Variants in NEURL1 observed in about 807,000 individuals in gnomAD.
NEURL1 encodes the protein E3 ubiquitin-protein ligase NEURL1.
NEURL1 carries 26 observed loss-of-function variants against 41.2 expected under a neutral mutation model. That is an observed-to-expected ratio of 0.63 (90% CI 0.46 to 0.87). NEURL1 has a LOEUF of 0.87. Ranked by LOEUF, NEURL1 falls within the 40% of genes least tolerant of loss-of-function variation. The probability of loss-of-function intolerance (pLI) is 0.00; values close to 1 mark genes in which losing one functional copy is unlikely to be tolerated. For missense variants in NEURL1, 761 were observed against 871.1 expected (o/e 0.87, Z 1.59); for synonymous variants, 400 against 402.3 (o/e 0.99, Z 0.07).
At position 103,499,384 on chromosome 10, in the gene NEURL1, T is replaced by TCTCC. The variant is rs374675887; in HGVS notation, c.85+4925_85+4928dup. 1.3e-3 allele frequency among the ~76,000 whole-genome samples: 192 copies of TCTCC among 152,034 alleles called. 1 individual carries two copies. Among genetic ancestry groups the TCTCC allele is most frequent in the African/African-American group, 4.5e-3 (187 of 41,456 alleles). ...ACAAGGTCTTAGCTATTTTTCTTTC[T>TCTCC]CTCCCTCCCTCCCTCCTTCCCTCCC... On this transcript the variant is annotated intron_variant, in intron 1 of 5. Transcript: ENST00000369780.
intron 1 of NEURL1, among the ~76,000 whole-genome samples, chr10:103,533,571 C>T (rs958525391): frequency 2.7e-5 from 4 of 150,146 alleles, no homozygotes; most frequent in Non-Finnish European, 4.4e-5. Flanking sequence ...GAGTCTCACT[C>T]TGTCGCCCAG....
chr10:103,499,014 G>A (rs1429270810), intron 1 of NEURL1, among the ~76,000 whole-genome samples: 4 of 152,280 alleles, frequency 2.6e-5, no homozygotes, highest in East Asian at 1.9e-4. Flanking sequence ...CTAAGTCTTT[G>A]TTTGAACACC....
At position 103,545,985 on chromosome 10, in the gene NEURL1, G is replaced by T. The variant is rs1309419688; in HGVS notation, c.86-24887G>T. Among the ~76,000 whole-genome samples the T allele has an allele frequency of 6.6e-6, 1 of 152,186 alleles. No individual in the cohort carries two copies. Among genetic ancestry groups the T allele is most frequent in the African/African-American group, 2.4e-5 (1 of 41,442 alleles). On this transcript the variant is annotated intron_variant, in intron 1 of 5. Coordinates refer to ENST00000369780, the MANE Select transcript of NEURL1 (RefSeq NM_004210.5). The surrounding 1 kb of genome is among the most constrained non-coding windows in gnomAD (Gnocchi z 4.5). ...CACACTACAGCCAAAGTCCAGGGCA[G>T]TCCACATTGGGATCAAATTTCACTT...
chr10:103,498,420 G>A (rs1156433723), intron 1 of NEURL1, among the ~76,000 whole-genome samples: 8 of 152,128 alleles, frequency 5.3e-5, no homozygotes, highest in African/African-American at 1.9e-4. Context: ...TAGAGATGGA[G>A]TTTCACCGTG....
At chr10:103,559,358 G>C (rs1053948111) in intron 1 of NEURL1, among the ~76,000 whole-genome samples, 9 of 152,186 alleles carry the variant, frequency 5.9e-5, no homozygotes, top group African/African-American at 1.4e-4. Context: ...TCAGCCTGGC[G>C]CCTGGCACAC....
At position 103,505,048 on chromosome 10, in the gene NEURL1, CT is replaced by C. The variant is rs35244731; in HGVS notation, c.85+10593del. 2.7e-3 allele frequency among the ~76,000 whole-genome samples: 374 copies of C among 139,406 alleles called. 1 individual carries two copies. The highest frequency in any genetic ancestry group is 2.6e-3 in the Non-Finnish European group (168 of 65,258). 91.5% of individuals were successfully genotyped at this position (139,406 alleles called of 152,430 possible). ...TAAAAAAATAATAGCTCTCCTGTAT[CT>C]TTTTTTTTTTTTTTTTAAAGAAACA... is the stretch of plus-strand genomic sequence containing the variant. On this transcript the variant is annotated intron_variant, in intron 1 of 5. Coordinates refer to ENST00000369780, the MANE Select transcript of NEURL1 (RefSeq NM_004210.5).
chr10:103,518,345 C>T (rs2034265212), intron 1 of NEURL1, among the ~76,000 whole-genome samples: 1 of 152,186 alleles, frequency 6.6e-6, no homozygotes, highest in African/African-American at 2.4e-5. Flanking sequence ...CTCTCCCTTC[C>T]CTTCCCTCCC....
intron 1 of NEURL1, among the ~76,000 whole-genome samples, chr10:103,552,598 A>G (rs1272193575): frequency 6.6e-6 from 1 of 152,158 alleles, no homozygotes; most frequent in East Asian, 1.9e-4. Flanking sequence ...GGTTGTGATG[A>G]TATACTCCTT....
chr10:103,494,203 C>T lies in NEURL1; in HGVS notation c.-185C>T. 1 of 512,948 alleles carries T rather than the reference C, an allele frequency of 1.9e-6. No individual in the cohort carries two copies. The allele number at this position is 512,948 out of a possible 1,614,324, so 31.8% of individuals were successfully genotyped here. ...CCAGGACACCCGTGGCGGGCGGAACCCGCCAAGGACCGCGAAGTCCAGAGA... is the reference window on the plus strand; with the variant it reads ...CCAGGACACCCGTGGCGGGCGGAACTCGCCAAGGACCGCGAAGTCCAGAGA... On this transcript the variant is annotated 5_prime_UTR_variant, in exon 1 of 6. Transcript: ENST00000369780.
chr10:103,538,922 C>T (rs549185850), intron 1 of NEURL1, among the ~76,000 whole-genome samples: 1 of 147,156 alleles, frequency 6.8e-6, no homozygotes, highest in East Asian at 2.0e-4. Context: ...GCTGGGATTA[C>T]AGGCATGAGC....
chr10:103,585,765 G>A (rs1360024163), intron 4 of NEURL1, among the ~76,000 whole-genome samples: 3 of 151,108 alleles, frequency 2.0e-5, no homozygotes, highest in Non-Finnish European at 2.9e-5. Context: ...CCCAGGAGGC[G>A]GAGCTTGCAG....
At chr10:103,497,399 G>C (rs1039113671) in intron 1 of NEURL1, among the ~76,000 whole-genome samples, 2 of 152,126 alleles carry the variant, frequency 1.3e-5, no homozygotes, top group Non-Finnish European at 2.9e-5. Flanking sequence ...AAATTTGCTG[G>C]GAGTAGGGGT....
At chr10:103,542,557 T>TGTGTGAGCCACTGTG (rs2034842546) in intron 1 of NEURL1, among the ~76,000 whole-genome samples, 1 of 152,126 alleles carries the variant, frequency 6.6e-6, no homozygotes, top group African/African-American at 2.4e-5. Flanking sequence ...GCCACCACAC[T>TGTGTGAGCCACTGTG]TGGCTCTACC....
chr10:103,567,812 A>G (rs1375082419), intron 1 of NEURL1, among the ~76,000 whole-genome samples: 1 of 152,242 alleles, frequency 6.6e-6, no homozygotes, highest in Admixed American at 6.5e-5. Flanking sequence ...AATCTCCCTG[A>G]GGCACATATT....
chr10:103,552,395 A>G (rs1419701532), intron 1 of NEURL1, among the ~76,000 whole-genome samples: 4 of 151,912 alleles, frequency 2.6e-5, no homozygotes, highest in Non-Finnish European at 5.9e-5. Flanking sequence ...CTCCATACCA[A>G]CCTTGCTTCT....
intron 1 of NEURL1, among the ~76,000 whole-genome samples, chr10:103,513,288 G>A (rs1248621303): frequency 6.6e-6 from 1 of 152,268 alleles, no homozygotes; most frequent in Non-Finnish European, 1.5e-5. Context: ...GTGAAGGTCT[G>A]TTTAGTCTTG....
Position 103,584,702 on chromosome 10 carries a change from C to T in NEURL1, c.816C>T (p.Pro272=), listed in dbSNP as rs1290513371. 2.1e-6 allele frequency: 3 copies of T among 1,454,060 alleles called. No homozygotes were observed. The highest frequency in any genetic ancestry group is 1.5e-5 in the African/African-American group (1 of 67,724). The allele number at this position is 1,454,060 out of a possible 1,614,324, so 90.1% of individuals were successfully genotyped here. The part of the protein sequence containing the change: ...GDEAAPAAGC[P]IPQNSLNSQH... The stretch of plus-strand genomic sequence containing the variant: ...AGGCCGCGCCGGCCGCCGGCTGCCC[C>T]ATCCCGCAGAACTCACTCAACTCGC... Residue 272 remains proline, a synonymous_variant, in exon 4 of 6, where the codon CCC becomes CCT. Coordinates refer to ENST00000369780, the MANE Select transcript of NEURL1 (RefSeq NM_004210.5).
intron 3 of NEURL1, among the ~76,000 whole-genome samples, chr10:103,581,068 AAATACT>A (rs1438965164): frequency 5.9e-5 from 9 of 152,202 alleles, no homozygotes; most frequent in Admixed American, 5.9e-4. Context: ...CAAGCCAAGC[AAATACT>A]AATATCTGAA....
chr10:103,525,690 A>C (rs757665197), intron 1 of NEURL1, among the ~76,000 whole-genome samples: 10 of 152,118 alleles, frequency 6.6e-5, no homozygotes, highest in Admixed American at 6.6e-5. Flanking sequence ...TTTATATGCA[A>C]ATAGGGACAA....
Sources: gnomAD v4.1 joint callset for allele counts (sites outside exome capture counted in the v4.1 genomes callset) on GRCh38, gnomAD v4.1.1 for gene constraint, Gnocchi (gnomAD v3.1) non-coding constraint, MANE v1.5 for transcripts, NCBI Gene and HGNC (gene_info 2026-07-23, HGNC 2026-07-21) for gene names.